CD8A: variants seen among roughly 807,000 people sequenced by gnomAD.
CD8A encodes the protein T-cell surface glycoprotein CD8 alpha chain.
In CD8A, 25 loss-of-function variants were observed where a neutral mutation model predicts 24.2. That is an observed-to-expected ratio of 1.03 (90% CI 0.75 to 1.44). CD8A has a LOEUF of 1.44. Ranked by LOEUF, CD8A falls within the 40% of genes most tolerant of loss-of-function variation. The pLI is 0.00. For synonymous variants in CD8A, 165 were observed against 149.9 expected, an observed-to-expected ratio of 1.10 and a Z score of -0.74; for missense variants, 360 against 319.7, an observed-to-expected ratio of 1.13 and a Z score of -0.96.
chr2:86,792,560 C>T (rs7569868), upstream of CD8A, among the ~76,000 whole-genome samples: 30,863 of 151,422 alleles, frequency 0.2, 3,344 homozygotes, highest in Non-Finnish European at 0.25. Context: ...TGTGGCACCA[C>T]CTCGGCTCAC....
chr2:86,789,753 G>A lies in CD8A; in HGVS notation c.404-3C>T, dbSNP rs1262206752. ...CGCTGGCGTCGTGGTGGGCTTCGCT[G>A]CAAGAGCAACAGAGCGTGGTTGGGG... is the stretch of plus-strand genomic sequence containing the variant. On this transcript the variant is annotated splice_polypyrimidine_tract_variant and splice_region_variant and intron_variant, in intron 2 of 5. Transcript: ENST00000283635. The A allele has an allele frequency of 1.5e-6, 2 of 1,355,448 alleles. No homozygotes were observed. Among genetic ancestry groups the A allele is most frequent in the South Asian group, 2.0e-5 (1 of 50,002 alleles). The allele number at this position is 1,355,448 out of a possible 1,614,324, so 84.0% of individuals were successfully genotyped here. A position where few individuals can be genotyped will look rare whatever the true frequency, so the allele number is the denominator to read the frequency against.
chr2:86,789,836 G>A, intron 2 of CD8A, 86 bp from the exon 3 acceptor site: 1 of 769,560 alleles, frequency 1.3e-6, no homozygotes, highest in Non-Finnish European at 1.8e-6. Context: ...TTCCCCACGG[G>A]GACGCCTCCC....
chr2:86,791,194 A>G, upstream of CD8A: 1 of 473,786 alleles, frequency 2.1e-6, no homozygotes, highest in Non-Finnish European at 4.0e-6. Context: ...CAAAGATTTC[A>G]AGAAGTGAGG....
At position 86,790,882 on chromosome 2, in the gene CD8A, G is replaced by A. The variant is rs1353203887; in HGVS notation, c.-57C>T. 4.0e-6 allele frequency: 6 copies of A among 1,487,770 alleles called. No individual in the cohort carries two copies. The highest frequency in any genetic ancestry group is 4.5e-6 in the Non-Finnish European group (5 of 1,103,208). The allele number at this position is 1,487,770 out of a possible 1,614,324, so 92.2% of individuals were successfully genotyped here. A position where few individuals can be genotyped will look rare whatever the true frequency, so the allele number is the denominator to read the frequency against. On this transcript the variant is annotated 5_prime_UTR_variant, in exon 1 of 6. Transcript: ENST00000283635. ...AGCTCGGGCGCGAGGGGAGGCGCGC[G>A]GGAGCCGGTGGGGCGCCGAGGGGGG...
rs1673162173 is a variant in CD8A, at chr2:86,789,324, G to A, written c.624C>T (p.His208=). 1 of 1,591,398 alleles carries A rather than the reference G, an allele frequency of 6.3e-7. No individual in the cohort carries two copies. Among genetic ancestry groups the A allele is most frequent in the African/African-American group, 1.3e-5 (1 of 74,492 alleles). ...CCGCCGCGATTCCTCGGGACTTACT[G>A]TGGTTGCAGTAAAGGGTGATAACCA... ...LSLVITLYCN[H]RNRRRVCKCP... Residue 208 remains histidine, a splice_region_variant and synonymous_variant, in exon 4 of 6, where the codon CAC becomes CAT. Coordinates refer to ENST00000283635, the MANE Select transcript of CD8A (RefSeq NM_001768.7).
rs531213531 is a variant in CD8A at position 86,790,690 on chromosome 2, G to A, written c.50-9C>T. 6.3e-7 allele frequency: 1 copy of A among 1,594,704 alleles called. No homozygotes were observed. Among genetic ancestry groups the A allele is most frequent in the Admixed American group, 1.7e-5 (1 of 59,630 alleles). ...GCTCGGCCTGGCGGCGTCTGCAGGCGGCAAGCAGCGAGGCTGAGCCCGCAG... is the reference window on the plus strand; with the variant it reads ...GCTCGGCCTGGCGGCGTCTGCAGGCAGCAAGCAGCGAGGCTGAGCCCGCAG... On this transcript the variant is annotated splice_polypyrimidine_tract_variant and intron_variant, in intron 1 of 5. Transcript: ENST00000283635.
At chr2:86,792,191 T>A (rs1181791986), upstream of CD8A, among the ~76,000 whole-genome samples, 1 of 152,092 alleles carries the variant, frequency 6.6e-6, no homozygotes, top group Non-Finnish European at 1.5e-5. Context: ...CCTGAAACCT[T>A]CCAGCTCCAG....
In CD8A at chr2:86,790,407, C is replaced by T; in HGVS notation, c.324G>A (p.Glu108=). Residue 108 remains glutamate (E), a synonymous_variant, in exon 2 of 6, where the codon GAG becomes GAA. Coordinates refer to ENST00000283635, the MANE Select transcript of CD8A (RefSeq NM_001768.7). ...FVLTLSDFRR[E]NEGYYFCSAL... is the part of the protein sequence containing the mutation. ...CCGAGCAGAAATAGTAGCCCTCGTT[C>T]TCTCGGCGGAAGTCGCTCAGGGTGA... is the stretch of plus-strand genomic sequence containing the variant. The T allele has an allele frequency of 6.2e-7, 1 of 1,614,182 alleles. No individual in the cohort carries two copies. Among genetic ancestry groups the T allele is most frequent in the East Asian group, 2.2e-5 (1 of 44,872 alleles).
Position 86,788,520 on chromosome 2 carries a change from A to G in CD8A, c.656+10T>C. ...CCAAGGTGAGCAGGCTGAGTTCAAA[A>G]GAGACTCACCGGGGACATTTGCAAA... On this transcript the variant is annotated intron_variant, in intron 5 of 5. Transcript: ENST00000283635. The G allele has an allele frequency of 6.2e-7, 1 of 1,612,438 alleles. No individual in the cohort carries two copies. Among genetic ancestry groups the G allele is most frequent in the Non-Finnish European group, 8.5e-7 (1 of 1,178,800 alleles).
At chr2:86,803,771 A>G (rs1215814662) in intron 2 of CD8A, among the ~76,000 whole-genome samples, 2 of 152,124 alleles carry the variant, frequency 1.3e-5, no homozygotes, top group Non-Finnish European at 2.9e-5. Context: ...CTGGTCTCAA[A>G]CTCCTGACCT....
intron 3 of CD8A, 50 bp downstream of exon 3, chr2:86,789,590 C>T: frequency 7.2e-7 from 1 of 1,393,866 alleles, no homozygotes. Context: ...CTGGCATGGG[C>T]TCTCCCCGCG....
At chr2:86,788,895 T>C (rs2886957) in intron 4 of CD8A, among the ~76,000 whole-genome samples, 10,641 of 152,186 alleles carry the variant, frequency 0.07, 408 homozygotes, top group African/African-American at 0.083. Context: ...CCGGCACCTC[T>C]CTTGCATGGG....
intron 5 of CD8A, among the ~76,000 whole-genome samples, chr2:86,788,199 G>A (rs946077302): frequency 6.6e-6 from 1 of 150,408 alleles, no homozygotes; most frequent in East Asian, 1.9e-4. Context: ...ATAAAGAGGA[G>A]GTCAGGTCCT....
chr2:86,807,322 TAAAAC>T (rs1346373044), intron 2 of CD8A: 5 of 152,290 alleles, frequency 3.3e-5, no homozygotes, highest in African/African-American at 7.2e-5. Flanking sequence ...CCCTGTCTCT[TAAAAC>T]AAACAAGAAA....
chr2:86,799,765 A>AT (rs1433478835), intron 3 of CD8A, among the ~76,000 whole-genome samples: 3 of 151,174 alleles, frequency 2.0e-5, no homozygotes, highest in Non-Finnish European at 4.4e-5. Flanking sequence ...CAAAAAAAAA[A>AT]GAAAGAAAAG....
chr2:86,790,614 C>T lies in CD8A; in HGVS notation c.117G>A (p.Val39=), dbSNP rs1573461745. The change falls in exon 2 of 6, where the codon GTG becomes GTA. Residue 39 remains valine (V), a synonymous_variant. Coordinates refer to ENST00000283635, the MANE Select transcript of CD8A (RefSeq NM_001768.7). ...LDRTWNLGET[V]ELKCQVLLSN... The stretch of plus-strand genomic sequence containing the variant: ...ACAGCAGCACCTGGCACTTCAGCTC[C>T]ACTGTCTCGCCCAGGTTCCAGGTCC... The T allele has an allele frequency of 6.2e-7, 1 of 1,608,072 alleles. No homozygotes were observed. The highest frequency in any genetic ancestry group is 2.2e-5 in the East Asian group (1 of 44,842).
At chr2:86,794,505 T>C (rs1481482650), upstream of CD8A, among the ~76,000 whole-genome samples, 1 of 152,206 alleles carries the variant, frequency 6.6e-6, no homozygotes, top group African/African-American at 2.4e-5. Flanking sequence ...CTAGAAACTC[T>C]AGAGTTATCA....
intron 2 of CD8A, among the ~76,000 whole-genome samples, chr2:86,806,624 T>G (rs1427977032): frequency 1.3e-5 from 2 of 152,216 alleles, no homozygotes; most frequent in Non-Finnish European, 2.9e-5. Flanking sequence ...CTCACGCATC[T>G]AATCCCAGCA....
rs370316856 is a variant in CD8A, at chr2:86,786,919, T to C, written c.657-948A>G. 6.2e-4 allele frequency among the ~76,000 whole-genome samples: 82 copies of C among 132,728 alleles called. No individual in the cohort carries two copies. The East Asian group carries it at 0.016, about 26-fold the overall frequency. 87.1% of individuals were successfully genotyped at this position (132,728 alleles called of 152,430 possible). A position where few individuals can be genotyped will look rare whatever the true frequency, so the allele number is the denominator to read the frequency against. ...CCTGTAGTCCCAGCTACTTGGGAGGTTGAGGCAGGAGAATGGCGTGAACCC... is the reference window on the plus strand; with the variant it reads ...CCTGTAGTCCCAGCTACTTGGGAGGCTGAGGCAGGAGAATGGCGTGAACCC... On this transcript the variant is annotated intron_variant, in intron 5 of 5. Coordinates refer to ENST00000283635, the MANE Select transcript of CD8A (RefSeq NM_001768.7).
Sources: gnomAD v4.1 joint callset for allele counts (sites outside exome capture counted in the v4.1 genomes callset) on GRCh38, gnomAD v4.1.1 for gene constraint, MANE v1.5 for transcripts, NCBI Gene and HGNC (gene_info 2026-07-23, HGNC 2026-07-21) for gene names.